Variants in PCDHGA11 observed in about 807,000 individuals in gnomAD.
PCDHGA11 encodes protocadherin gamma subfamily A, 11.
A neutral mutation model predicts 60.4 loss-of-function variants in PCDHGA11; 39 were observed. The observed-to-expected ratio is 0.65, with a 90% CI of 0.50 to 0.84. The LOEUF is 0.84. Among genes scored for constraint, PCDHGA11 ranks in the 40% least tolerant of loss-of-function variants. PCDHGA11 has a pLI of 0.00. For synonymous variants in PCDHGA11, 533 were observed against 510.3 expected (o/e 1.04, Z -0.60); for missense variants, 1,165 against 1,197.7 (o/e 0.97, Z 0.40).
Position 141,431,054 on chromosome 5 carries a change from G to A in PCDHGA11, c.2433+7394G>A, listed in dbSNP as rs532584174. 1 of 1,614,198 alleles carries A rather than the reference G, an allele frequency of 6.2e-7. No individual in the cohort carries two copies. Among genetic ancestry groups the A allele is most frequent in the African/African-American group, 1.3e-5 (1 of 75,076 alleles). ...AGACCGGGAGGAGCTCTGTATGGGG[G>A]CCATCAAGTGTCAATTAAATCTAGA... On this transcript the variant is annotated intron_variant, in intron 1 of 3. Transcript: ENST00000398587. This position sits in a 1 kb window ranked among gnomAD's most constrained non-coding sequence, Gnocchi z 4.8.
intron 1 of PCDHGA11, 24 bp downstream of exon 1, chr5:141,423,684 T>G (rs201506477): frequency 6.6e-7 from 1 of 1,524,756 alleles, no homozygotes; most frequent in Non-Finnish European, 8.8e-7. Context: ...CTCTGCCTCC[T>G]AATTGTTGGT....
rs889285153 is a variant in PCDHGA11, at chr5:141,494,978, T to C, written c.2492+113T>C. ...TGCTACAGATGGCTTCTCCCTCAGT[T>C]TGAGATCCCAGGGAGGTCTTGGTGT... On this transcript the variant is annotated intron_variant, in intron 2 of 3. Transcript: ENST00000398587. 7.6e-6 allele frequency: 12 copies of C among 1,572,974 alleles called. No homozygotes were observed. In the Admixed American group the frequency reaches 1.3e-4, roughly 17 times the overall value.
intron 1 of PCDHGA11, among the ~76,000 whole-genome samples, chr5:141,467,062 T>C (rs2099136058): frequency 6.6e-6 from 1 of 151,686 alleles, no homozygotes; most frequent in South Asian, 2.1e-4. Context: ...TTTCTTTTTT[T>C]TTTTTTTTTA....
In PCDHGA11 at chr5:141,493,521, G is replaced by A. The variant is rs967636266; in HGVS notation, c.2434-1286G>A. Among the ~76,000 whole-genome samples the A allele has an allele frequency of 3.9e-5, 6 of 152,242 alleles. No homozygotes were observed. In the East Asian group the frequency reaches 7.7e-4, roughly 20 times the overall value. The stretch of plus-strand genomic sequence containing the variant: ...CTCATTTCTGAGCAGTCCCCGCAGC[G>A]CAAACTTGGCCAGTTATCCTTTTGG... On this transcript the variant is annotated intron_variant, in intron 1 of 3. Coordinates refer to ENST00000398587, the MANE Select transcript of PCDHGA11 (RefSeq NM_018914.3). This position sits in a 1 kb window ranked among gnomAD's most constrained non-coding sequence, Gnocchi z 4.3.
In PCDHGA11 at chr5:141,476,908, A is replaced by G. The variant is rs754076231; in HGVS notation, c.2434-17899A>G. 6.2e-7 allele frequency: 1 copy of G among 1,614,050 alleles called. No individual in the cohort carries two copies. The highest frequency in any genetic ancestry group is 8.5e-7 in the Non-Finnish European group (1 of 1,180,038). On this transcript the variant is annotated intron_variant, in intron 1 of 3. Coordinates refer to ENST00000398587, the MANE Select transcript of PCDHGA11 (RefSeq NM_018914.3). This position sits in a 1 kb window ranked among gnomAD's most constrained non-coding sequence, Gnocchi z 7.6. ...ATGCACCCTCCGGCACGCGCGTGGT[A>G]CAAGTCCTTGCAACGGATCTGGATG...
chr5:141,454,740 G>GAGGCC (rs2098797560), intron 1 of PCDHGA11, among the ~76,000 whole-genome samples: 1 of 147,160 alleles, frequency 6.8e-6, no homozygotes, highest in Non-Finnish European at 1.5e-5. Flanking sequence ...AGGATGAAAA[G>GAGGCC]AGGCCAAACT....
chr5:141,489,084 C>A lies in PCDHGA11; in HGVS notation c.2434-5723C>A. On this transcript the variant is annotated intron_variant, in intron 1 of 3. Coordinates refer to ENST00000398587, the MANE Select transcript of PCDHGA11 (RefSeq NM_018914.3). The surrounding 1 kb of genome is among the most constrained non-coding windows in gnomAD (Gnocchi z 4.5). Reference sequence around the variant, plus strand: ...CTCCCCCCTGCCCACCCCCGCCACTCGGTGACTAAGAACTGCTGCAAGCAG... The same window carrying A: ...CTCCCCCCTGCCCACCCCCGCCACTAGGTGACTAAGAACTGCTGCAAGCAG... The A allele has an allele frequency of 9.1e-6, 3 of 329,124 alleles. No homozygotes were observed. The highest frequency in any genetic ancestry group is 1.1e-5 in the Non-Finnish European group (2 of 186,464). The allele number at this position is 329,124 out of a possible 1,614,324, so 20.4% of individuals were successfully genotyped here. A position where few individuals can be genotyped will look rare whatever the true frequency, so the allele number is the denominator to read the frequency against.
intron 1 of PCDHGA11, among the ~76,000 whole-genome samples, chr5:141,482,832 G>A (rs2099573281): frequency 6.6e-6 from 1 of 152,188 alleles, no homozygotes; most frequent in Non-Finnish European, 1.5e-5. Flanking sequence ...AGCACTTTGG[G>A]AGGCCAAGGT....
Position 141,422,145 on chromosome 5 carries a change from G to A in PCDHGA11, c.918G>A (p.Gly306=). ...DSQTGEVQVR[G]SLDFEKYRFY... ...AAACTGGAGAAGTTCAAGTACGGGG[G>A]TCTCTGGATTTTGAAAAATATAGAT... The change falls in exon 1 of 4, where the codon GGG becomes GGA. Residue 306 remains glycine, a synonymous_variant. Transcript: ENST00000398587. 2 of 1,580,726 alleles carry A rather than the reference G, an allele frequency of 1.3e-6. No individual in the cohort carries two copies. Among genetic ancestry groups the A allele is most frequent in the Non-Finnish European group, 8.6e-7 (1 of 1,168,808 alleles).
intron 1 of PCDHGA11, among the ~76,000 whole-genome samples, chr5:141,430,013 G>T (rs2097256191): frequency 6.6e-6 from 1 of 151,922 alleles, no homozygotes; most frequent in South Asian, 2.1e-4. Context: ...TTTTCACTTG[G>T]GTTCTTGTTA....
At position 141,491,899 on chromosome 5, in the gene PCDHGA11, G is replaced by A; in HGVS notation, c.2434-2908G>A. The A allele has an allele frequency of 7.0e-7, 1 of 1,433,322 alleles. No homozygotes were observed. Among genetic ancestry groups the A allele is most frequent in the South Asian group, 1.5e-5 (1 of 67,156 alleles). The allele number at this position is 1,433,322 out of a possible 1,614,324, so 88.8% of individuals were successfully genotyped here. A position where few individuals can be genotyped will look rare whatever the true frequency, so the allele number is the denominator to read the frequency against. On this transcript the variant is annotated intron_variant, in intron 1 of 3. Coordinates refer to ENST00000398587, the MANE Select transcript of PCDHGA11 (RefSeq NM_018914.3). The surrounding 1 kb of genome is among the most constrained non-coding windows in gnomAD (Gnocchi z 6.9). ...TTAAGGGATGGGGCTCCGAGCACCG[G>A]GGGTGGTGGCGACTGTGGGCGAGGG... is the stretch of plus-strand genomic sequence containing the variant.
intron 1 of PCDHGA11, among the ~76,000 whole-genome samples, chr5:141,460,983 GTATA>G (rs59296681): frequency 0.024 from 3,365 of 137,748 alleles, 55 homozygotes; most frequent in African/African-American, 0.035. Flanking sequence ...GTGTGTGTGT[GTATA>G]TATATATATG....
intron 1 of PCDHGA11, among the ~76,000 whole-genome samples, chr5:141,457,424 C>T (rs1261475379): frequency 6.6e-6 from 1 of 152,068 alleles, no homozygotes; most frequent in Non-Finnish European, 1.5e-5. Context: ...TCCCTTTTTC[C>T]CCCCCACCAA....
chr5:141,480,578 A>G (rs1343189182), intron 1 of PCDHGA11, among the ~76,000 whole-genome samples: 1 of 133,254 alleles, frequency 7.5e-6, no homozygotes, highest in Admixed American at 7.4e-5. Context: ...GCAAGAAATA[A>G]CTGCCGCTCT....
In PCDHGA11 at chr5:141,431,961, A is replaced by C; in HGVS notation, c.2433+8301A>C. Reference sequence around the variant, plus strand: ...AAATTAGAAAAATCTTACGGAAATTACTATAGTTTAGTCACAGACATAGTC... The same window carrying C: ...AAATTAGAAAAATCTTACGGAAATTCCTATAGTTTAGTCACAGACATAGTC... On this transcript the variant is annotated intron_variant, in intron 1 of 3. Transcript: ENST00000398587. The surrounding 1 kb of genome is among the most constrained non-coding windows in gnomAD (Gnocchi z 4.8). 1 of 1,614,206 alleles carries C rather than the reference A, an allele frequency of 6.2e-7. No homozygotes were observed.
intron 1 of PCDHGA11, among the ~76,000 whole-genome samples, chr5:141,464,162 G>A (rs1030872607): frequency 6.6e-6 from 1 of 151,946 alleles, no homozygotes; most frequent in African/African-American, 2.4e-5. Context: ...CTACTTGGAA[G>A]GCTGAGGCAG....
At chr5:141,510,525 G>A (rs545854649) in intron 3 of PCDHGA11, among the ~76,000 whole-genome samples, 1 of 152,316 alleles carries the variant, frequency 6.6e-6, no homozygotes, top group African/African-American at 2.4e-5. Context: ...ACAGCCCTGA[G>A]AGAAATACCA....
At chr5:141,429,571 A>G (rs1221285032) in intron 1 of PCDHGA11, among the ~76,000 whole-genome samples, 2 of 152,156 alleles carry the variant, frequency 1.3e-5, no homozygotes, top group Non-Finnish European at 2.9e-5. Flanking sequence ...ATTCAGTTAC[A>G]TTTACTTTTG....
Position 141,421,259 on chromosome 5 carries a change from G to C in PCDHGA11, c.32G>C (p.Ser11Thr). The C allele has an allele frequency of 6.2e-7, 1 of 1,609,254 alleles. No individual in the cohort carries two copies. The highest frequency in any genetic ancestry group is 8.5e-7 in the Non-Finnish European group (1 of 1,178,538). MANRLQRGDR[S>T]RLLLLLCIFL... The stretch of plus-strand genomic sequence containing the variant: ...AATCGGCTACAGCGCGGGGACCGCA[G>C]TCGGCTGCTGCTGCTGCTGTGCATT... The change falls in exon 1 of 4, where the codon AGT becomes ACT. Residue 11 changes from serine to threonine, a missense_variant. Transcript: ENST00000398587.
Sources: allele counts gnomAD v4.1 joint callset (sites outside exome capture counted in the v4.1 genomes callset), GRCh38; gene constraint gnomAD v4.1.1; non-coding constraint Gnocchi (gnomAD v3.1); transcripts MANE v1.5; gene names NCBI Gene and HGNC (gene_info 2026-07-23, HGNC 2026-07-21).